Variants in CPD observed in about 807,000 individuals in gnomAD.
CPD encodes metallocarboxypeptidase D.
A neutral mutation model predicts 138.3 loss-of-function variants in CPD; 69 were observed. That is an observed-to-expected ratio of 0.50 (90% CI 0.41 to 0.61). The LOEUF is 0.61. CPD is among the 20% of genes least tolerant of loss of function. The probability of loss-of-function intolerance (pLI) is 0.00; values close to 1 mark genes in which losing one functional copy is unlikely to be tolerated. For synonymous variants in CPD, 651 were observed against 642.1 expected, an observed-to-expected ratio of 1.01 and a Z score of -0.21; for missense variants, 1,432 against 1,733.3, an observed-to-expected ratio of 0.83 and a Z score of 3.09.
intron 13 of CPD, among the ~76,000 whole-genome samples, chr17:30,451,035 G>A (rs1157812393): frequency 6.6e-6 from 1 of 152,188 alleles, no homozygotes; most frequent in Non-Finnish European, 1.5e-5. Context: ...CATATTTTGT[G>A]CTGGGTAATA....
chr17:30,400,610 T>TCTTAGTTTTC (rs1401268390), intron 2 of CPD, among the ~76,000 whole-genome samples: 1 of 151,684 alleles, frequency 6.6e-6, no homozygotes, highest in African/African-American at 2.4e-5. Flanking sequence ...TAATGGATTA[T>TCTTAGTTTTC]CTTAGTTTTC....
At chr17:30,397,787 G>A (rs981229826) in intron 2 of CPD, among the ~76,000 whole-genome samples, 38 of 148,308 alleles carry the variant, frequency 2.6e-4, no homozygotes, top group African/African-American at 9.1e-4. Flanking sequence ...CCTTAAAGAG[G>A]CATGTTCAGG....
chr17:30,443,886 A>T lies in CPD; in HGVS notation c.2458A>T (p.Asn820Tyr), dbSNP rs1912946974. The change falls in exon 11 of 21, where the codon AAT becomes TAT. Residue 820 changes from asparagine to tyrosine, a missense_variant. Physicochemically the swap from Asn to Tyr is moderately radical, Grantham distance 143 (BLOSUM62 -2). Coordinates refer to ENST00000225719, the MANE Select transcript of CPD (RefSeq NM_001304.5). The stretch of plus-strand genomic sequence containing the variant: ...TGCCACCATTAGTGTTGCTGAGATT[A>T]ATCACCCAGTGACTACTTACAAAAC... ...LNATISVAEI[N>Y]HPVTTYKTGD... 1 of 1,613,966 alleles carries T rather than the reference A, an allele frequency of 6.2e-7. No homozygotes were observed. Among genetic ancestry groups the T allele is most frequent in the Non-Finnish European group, 8.5e-7 (1 of 1,179,884 alleles).
At chr17:30,418,328 G>A (rs1226218001) in intron 2 of CPD, among the ~76,000 whole-genome samples, 1 of 152,068 alleles carries the variant, frequency 6.6e-6, no homozygotes, top group Admixed American at 6.6e-5. Flanking sequence ...TGACAGGCAT[G>A]TGCCACCATG....
chr17:30,423,608 C>A lies in CPD; in HGVS notation c.1760C>A (p.Thr587Lys), dbSNP rs1912326238. The A allele has an allele frequency of 6.2e-7, 1 of 1,612,812 alleles. No individual in the cohort carries two copies. Among genetic ancestry groups the A allele is most frequent in the Non-Finnish European group, 8.5e-7 (1 of 1,179,440 alleles). ...GAATACCTTTGTAAGAACTTTGGAA[C>A]AGACCCTGAAGTCACAGATTTGGTT... is the stretch of plus-strand genomic sequence containing the variant. ...LIEYLCKNFGTDPEVTDLVHN... is the reference protein window; with the variant it reads ...LIEYLCKNFGKDPEVTDLVHN... The change falls in exon 6 of 21, where the codon ACA becomes AAA. Residue 587 changes from threonine (T) to lysine (K), a missense_variant. Physicochemically the swap from Thr to Lys is moderately conservative, Grantham distance 78. Around this residue, in one of 6 missense-constraint regions of CPD, gnomAD observed 297 missense variants for 405.3 expected, o/e 0.73. Transcript: ENST00000225719.
chr17:30,414,582 GA>G (rs79924787), intron 2 of CPD, among the ~76,000 whole-genome samples: 1,485 of 136,000 alleles, frequency 0.011, 21 homozygotes, highest in African/African-American at 0.034. Flanking sequence ...GACTGTCTCG[GA>G]AAAAAAAAAA....
intron 2 of CPD, among the ~76,000 whole-genome samples, chr17:30,394,116 CTTTTTTTTTT>C (rs35779169): frequency 0.019 from 769 of 40,818 alleles, 10 homozygotes; most frequent in African/African-American, 0.066. Flanking sequence ...GCACTCCAGC[CTTTTTTTTTT>C]TTTTTTTTTT....
chr17:30,409,101 C>T (rs1043910151), intron 2 of CPD, among the ~76,000 whole-genome samples: 2 of 137,918 alleles, frequency 1.5e-5, no homozygotes, highest in South Asian at 5.0e-4. Flanking sequence ...TTTTCAGTAT[C>T]TATTGAGATA....
At chr17:30,392,297 A>G (rs1052045719) in intron 2 of CPD, among the ~76,000 whole-genome samples, 1 of 152,222 alleles carries the variant, frequency 6.6e-6, no homozygotes, top group Non-Finnish European at 1.5e-5. Context: ...GGCATGAGCC[A>G]CTGCGCCCGG....
chr17:30,450,456 T>C (rs919176343), intron 13 of CPD, among the ~76,000 whole-genome samples: 1 of 152,250 alleles, frequency 6.6e-6, no homozygotes, highest in African/African-American at 2.4e-5. Context: ...TTTTTCAGTA[T>C]AGTTTTCTTT....
chr17:30,389,682 G>A (rs1024025968), intron 2 of CPD, among the ~76,000 whole-genome samples: 1 of 152,204 alleles, frequency 6.6e-6, no homozygotes, highest in African/African-American at 2.4e-5. Flanking sequence ...GTGTACTTTG[G>A]TATTAAGGCC....
At chr17:30,446,789 C>A (rs1378806852) in intron 12 of CPD, among the ~76,000 whole-genome samples, 1 of 152,228 alleles carries the variant, frequency 6.6e-6, no homozygotes, top group Non-Finnish European at 1.5e-5. Flanking sequence ...TACAGTCCCA[C>A]CAACAATGTA....
Position 30,383,039 on chromosome 17 carries a change from T to C in CPD, c.747-1950T>C, listed in dbSNP as rs1384607178. 2.6e-5 allele frequency among the ~76,000 whole-genome samples: 4 copies of C among 152,306 alleles called. No homozygotes were observed. The South Asian group carries it at 8.3e-4, about 32-fold the overall frequency. On this transcript the variant is annotated intron_variant, in intron 1 of 20. Coordinates refer to ENST00000225719, the MANE Select transcript of CPD (RefSeq NM_001304.5). ...AAAATACTTAAAAATTGTTTTAGAA[T>C]TACAAACCAGAGAGTAAATTGTTAA...
At chr17:30,414,476 G>A (rs1476930516) in intron 2 of CPD, among the ~76,000 whole-genome samples, 2 of 151,972 alleles carry the variant, frequency 1.3e-5, no homozygotes, top group Admixed American at 6.6e-5. Context: ...CCAGCTACTC[G>A]GGAAGCTGAG....
intron 7 of CPD, 68 bp downstream of exon 7, chr17:30,427,626 ATC>A (rs1371132982): frequency 3.5e-6 from 5 of 1,418,374 alleles, no homozygotes; most frequent in Non-Finnish European, 9.9e-7. Context: ...GTGGAATTTT[ATC>A]TGTTTGTAGT....
chr17:30,461,940 A>G lies in CPD; in HGVS notation c.3694A>G (p.Ile1232Val). 1 of 1,613,796 alleles carries G rather than the reference A, an allele frequency of 6.2e-7. No homozygotes were observed. The highest frequency in any genetic ancestry group is 8.5e-7 in the Non-Finnish European group (1 of 1,179,830). Residue 1232 changes from isoleucine to valine, a missense_variant, in exon 19 of 21, where the codon ATT becomes GTT. By Grantham distance (29) the Ile-to-Val change is conservative (BLOSUM62 3). Coordinates refer to ENST00000225719, the MANE Select transcript of CPD (RefSeq NM_001304.5). Reference protein sequence around the residue: ...KTGKPISKAVIVLNEGIKVQT... With the variant: ...KTGKPISKAVVVLNEGIKVQT... ...TGGAAAGCCAATCTCTAAAGCAGTC[A>G]TTGTACTTAATGAAGGAATAAAGGT...
chr17:30,452,446 A>G (rs1269426361), intron 14 of CPD, among the ~76,000 whole-genome samples: 1 of 150,666 alleles, frequency 6.6e-6, no homozygotes, highest in African/African-American at 2.4e-5. Context: ...CAATTTTTGT[A>G]TTTTTAGTAG....
At chr17:30,450,354 C>G (rs1012938232) in intron 13 of CPD, 1 of 152,372 alleles carries the variant, frequency 6.6e-6, no homozygotes, top group Non-Finnish European at 1.5e-5. Context: ...GCCATGGCGC[C>G]TGGCCAGTTT....
chr17:30,442,351 A>C lies in CPD; in HGVS notation c.2274A>C (p.Glu758Asp), dbSNP rs1166625547. The C allele has an allele frequency of 1.2e-6, 2 of 1,613,432 alleles. No individual in the cohort carries two copies. The highest frequency in any genetic ancestry group is 1.7e-5 in the Admixed American group (1 of 59,928). The part of the protein sequence containing the change: ...DWNYLQTNCF[E>D]VTIELGCVKY... ...ACTATTTACAAACAAATTGCTTTGA[A>C]GTGACTATTGAACTAGGTTGTGTGA... is the stretch of plus-strand genomic sequence containing the variant. Residue 758 changes from glutamate to aspartate, a missense_variant, in exon 10 of 21, where the codon GAA becomes GAC. Transcript: ENST00000225719.
Sources: allele counts gnomAD v4.1 joint callset (sites outside exome capture counted in the v4.1 genomes callset), GRCh38; gene constraint gnomAD v4.1.1; regional missense constraint gnomAD v4.1.1; transcripts MANE v1.5; gene names NCBI Gene and HGNC (gene_info 2026-07-23, HGNC 2026-07-21).